PTPRQ: variants seen among roughly 807,000 people sequenced by gnomAD.
PTPRQ encodes the protein phosphatidylinositol phosphatase PTPRQ.
Under a neutral mutation model 246.0 loss-of-function variants are expected in PTPRQ, and 199 were observed. The ratio of observed to expected loss-of-function variants is 0.81; its 90% CI spans 0.72 to 0.91. The LOEUF is 0.91. Ranked by LOEUF, PTPRQ falls within the 40% of genes least tolerant of loss-of-function variation. The pLI is 0.00. For synonymous variants in PTPRQ, 869 were observed against 853.2 expected, an observed-to-expected ratio of 1.02 and a Z score of -0.32; for missense variants, 2,624 against 2,528.4, an observed-to-expected ratio of 1.04 and a Z score of -0.81.
chr12:80,467,774 G>A (rs1168624471), intron 6 of PTPRQ, among the ~76,000 whole-genome samples: 8 of 151,224 alleles, frequency 5.3e-5, no homozygotes, highest in South Asian at 4.2e-4. Flanking sequence ...ACCAAACACC[G>A]CATATTCTCA....
chr12:80,676,668 A>G (rs1901155737), intron 43 of PTPRQ, among the ~76,000 whole-genome samples: 1 of 151,982 alleles, frequency 6.6e-6, no homozygotes, highest in Non-Finnish European at 1.5e-5. Context: ...AAAACCAACA[A>G]CAACACATTG....
Position 80,652,805 on chromosome 12 carries a change from C to CA in PTPRQ, c.6092dup (p.Asn2031LysfsTer10). The CA allele has an allele frequency of 1.3e-6, 2 of 1,508,304 alleles. No homozygotes were observed. The highest frequency in any genetic ancestry group is 8.9e-7 in the Non-Finnish European group (1 of 1,128,906). The allele number at this position is 1,508,304 out of a possible 1,614,324, so 93.4% of individuals were successfully genotyped here. On this transcript the variant is annotated frameshift_variant, in exon 38 of 45. Coordinates refer to ENST00000644991, the MANE Select transcript of PTPRQ (RefSeq NM_001145026.2). LOFTEE classifies it high-confidence loss of function. ...GATGCTGATCTGCCTTGGAATAGAG[C>CA]AAAAAACCGCTTCCCAAACATAAAA...
chr12:80,590,636 C>G (rs1897764980), intron 26 of PTPRQ, among the ~76,000 whole-genome samples: 1 of 143,496 alleles, frequency 7.0e-6, no homozygotes, highest in Admixed American at 7.1e-5. Context: ...CCACTGCACT[C>G]CAGCCTGGGC....
At chr12:80,543,696 G>A (rs1440019251) in intron 23 of PTPRQ, among the ~76,000 whole-genome samples, 2 of 152,052 alleles carry the variant, frequency 1.3e-5, no homozygotes, top group Non-Finnish European at 2.9e-5. Flanking sequence ...AAATTGAATA[G>A]TAAAAGTCAA....
intron 25 of PTPRQ, among the ~76,000 whole-genome samples, chr12:80,581,369 C>T (rs760297578): frequency 1.0e-3 from 155 of 152,226 alleles, no homozygotes; most frequent in East Asian, 3.9e-4. Flanking sequence ...GGTGCCATGG[C>T]GCATGCTTGT....
In PTPRQ at chr12:80,601,507, T is replaced by C. The variant is rs1181956863; in HGVS notation, c.4610-3552T>C. Reference sequence around the variant, plus strand: ...TCATTCAATGAATGCATAAATTTATTCTCAAGGCCAACTAAACATTTGGTT... The same window carrying C: ...TCATTCAATGAATGCATAAATTTATCCTCAAGGCCAACTAAACATTTGGTT... On this transcript the variant is annotated intron_variant, in intron 26 of 44. Coordinates refer to ENST00000644991, the MANE Select transcript of PTPRQ (RefSeq NM_001145026.2). Among the ~76,000 whole-genome samples the C allele has an allele frequency of 2.0e-5, 3 of 151,886 alleles. No homozygotes were observed. In the East Asian group the frequency reaches 5.8e-4, roughly 29 times the overall value.
At chr12:80,533,889 C>CT (rs1895912898) in intron 17 of PTPRQ, 126 bp from the exon 18 acceptor site, 1 of 678,202 alleles carries the variant, frequency 1.5e-6, no homozygotes, top group Non-Finnish European at 2.1e-6. Context: ...TAACCAACAT[C>CT]TTTTTTCTAT....
At chr12:80,516,700 A>G (rs1236569082) in intron 17 of PTPRQ, among the ~76,000 whole-genome samples, 2 of 152,230 alleles carry the variant, frequency 1.3e-5, no homozygotes, top group Non-Finnish European at 2.9e-5. Context: ...CAAGTTTTCT[A>G]AAAGATTTTC....
At chr12:80,552,739 T>C (rs1461332555) in intron 25 of PTPRQ, among the ~76,000 whole-genome samples, 2 of 142,806 alleles carry the variant, frequency 1.4e-5, no homozygotes, top group African/African-American at 5.2e-5. Flanking sequence ...AAAGGCAACA[T>C]ATGTAGAGAT....
intron 17 of PTPRQ, among the ~76,000 whole-genome samples, chr12:80,520,381 T>A (rs181404353): frequency 4.6e-5 from 7 of 152,332 alleles, no homozygotes; most frequent in Admixed American, 3.3e-4. Flanking sequence ...AAATTATACT[T>A]TAAGTTTTAG....
In PTPRQ at chr12:80,541,632, G is replaced by C. The variant is rs7975340; in HGVS notation, c.3232G>C (p.Ala1078Pro). 28,187 of 1,548,160 alleles carry C rather than the reference G, an allele frequency of 0.018. 2,321 individuals are homozygous for C. In the African/African-American group the frequency reaches 0.22, roughly 12 times the overall value. ...AATAAATGTAAGCTGGGTCCCACCG[G>C]CTCAACCAAACGGTCTAGTCTTCTA... The part of the protein sequence containing the change: ...TAINVSWVPP[A>P]QPNGLVFYYV... The change falls in exon 21 of 45, where the codon GCT (alanine) becomes CCT (proline). Residue 1078 changes from alanine to proline, a missense_variant. Coordinates refer to ENST00000644991, the MANE Select transcript of PTPRQ (RefSeq NM_001145026.2).
At chr12:80,606,565 C>G (rs1898329112) in intron 27 of PTPRQ, among the ~76,000 whole-genome samples, 1 of 150,960 alleles carries the variant, frequency 6.6e-6, no homozygotes, top group South Asian at 2.1e-4. Flanking sequence ...CTGATGAACA[C>G]AGTTTTCTAA....
chr12:80,531,199 C>T (rs1384387624), intron 17 of PTPRQ, among the ~76,000 whole-genome samples: 1 of 151,736 alleles, frequency 6.6e-6, no homozygotes. Flanking sequence ...CATAGAATGA[C>T]TAAATAACTA....
chr12:80,570,149 A>G (rs1897103268), intron 25 of PTPRQ, among the ~76,000 whole-genome samples: 1 of 152,198 alleles, frequency 6.6e-6, no homozygotes, highest in African/African-American at 2.4e-5. Flanking sequence ...ATCCTTGAGG[A>G]ATCACCACAC....
intron 35 of PTPRQ, among the ~76,000 whole-genome samples, chr12:80,647,578 C>G (rs1156401151): frequency 6.6e-6 from 1 of 152,130 alleles, no homozygotes; most frequent in African/African-American, 2.4e-5. Flanking sequence ...GTCCCCACTG[C>G]AACTGTTACT....
intron 8 of PTPRQ, among the ~76,000 whole-genome samples, chr12:80,483,056 G>T (rs1368637848): frequency 1.7e-5 from 2 of 121,028 alleles, no homozygotes; most frequent in East Asian, 2.1e-4. Flanking sequence ...AAATCATGCT[G>T]CTATAAAGAC....
intron 28 of PTPRQ, among the ~76,000 whole-genome samples, chr12:80,613,275 G>T (rs1250302406): frequency 1.3e-5 from 2 of 150,534 alleles, no homozygotes; most frequent in African/African-American, 4.9e-5. Flanking sequence ...AAATTGTCAT[G>T]CCATTGCACT....
chr12:80,590,666 C>CAAAAAA (rs35640802), intron 26 of PTPRQ, among the ~76,000 whole-genome samples: 1 of 57,826 alleles, frequency 1.7e-5, no homozygotes, highest in African/African-American at 5.4e-5. Context: ...GACTCCGTCT[C>CAAAAAA]AAAAAAAAAA....
intron 33 of PTPRQ, among the ~76,000 whole-genome samples, chr12:80,622,595 C>A (rs572516588): frequency 6.6e-6 from 1 of 152,126 alleles, no homozygotes; most frequent in South Asian, 2.1e-4. Context: ...ATGTTGACTC[C>A]ATTTTACAGA....
Sources: allele counts gnomAD v4.1 joint callset (sites outside exome capture counted in the v4.1 genomes callset), GRCh38; gene constraint gnomAD v4.1.1; transcripts MANE v1.5; gene names NCBI Gene and HGNC (gene_info 2026-07-23, HGNC 2026-07-21).